FANCI: variants seen among roughly 807,000 people sequenced by gnomAD.
FANCI encodes Fanconi anemia group I protein.
Under a neutral mutation model 176.1 loss-of-function variants are expected in FANCI, and 156 were observed. The observed-to-expected ratio is 0.89, with a 90% CI of 0.78 to 1.01. FANCI has a LOEUF of 1.01. Ranked by LOEUF, FANCI falls within the 50% of genes least tolerant of loss-of-function variation. The pLI, the probability that FANCI is intolerant of heterozygous loss-of-function variation, is 0.00. For synonymous variants in FANCI, 613 were observed against 541.7 expected (o/e 1.13, Z -1.83); for missense variants, 1,678 against 1,534.1 (o/e 1.09, Z -1.57).
At chr15:89,257,769 CTAT>C (rs765521227) in intron 2 of FANCI, among the ~76,000 whole-genome samples, 112 of 152,276 alleles carry the variant, frequency 7.4e-4, no homozygotes, top group Non-Finnish European at 1.1e-3. Context: ...CATAATGCCT[CTAT>C]TACTTTGGTC....
intron 1 of FANCI, among the ~76,000 whole-genome samples, chr15:89,245,593 AAT>A (rs1041115717): frequency 2.6e-5 from 4 of 151,916 alleles, no homozygotes; most frequent in Non-Finnish European, 5.9e-5. Flanking sequence ...TGGAAGCAGG[AAT>A]ATTTATTTAA....
chr15:89,278,498 A>G (rs750813820), intron 13 of FANCI, among the ~76,000 whole-genome samples, 189 bp from the exon 14 acceptor site: 1 of 152,200 alleles, frequency 6.6e-6, no homozygotes, highest in Non-Finnish European at 1.5e-5. Flanking sequence ...TTATCCTACT[A>G]ATGAATCATC....
At chr15:89,265,633 C>T (rs1165071046) in intron 9 of FANCI, among the ~76,000 whole-genome samples, 1 of 152,020 alleles carries the variant, frequency 6.6e-6, no homozygotes, top group East Asian at 1.9e-4. Flanking sequence ...AAGAGATTCT[C>T]CTCCCTCAGC....
chr15:89,307,531 T>A lies in FANCI; in HGVS notation c.3591+2T>A, dbSNP rs1458516107. On this transcript the variant is annotated splice_donor_variant, in intron 33 of 37. Coordinates refer to ENST00000310775, the MANE Select transcript of FANCI (RefSeq NM_001113378.2). LOFTEE classifies it high-confidence loss of function. ...ATTCCAAAAAATATGGAAAAGCTGG[T>A]GAGTTGAGAATGCCTTTCCTAGGAA... is the stretch of plus-strand genomic sequence containing the variant. 1.2e-6 allele frequency: 2 copies of A among 1,614,004 alleles called. No individual in the cohort carries two copies. The highest frequency in any genetic ancestry group is 1.7e-6 in the Non-Finnish European group (2 of 1,180,022).
At chr15:89,249,961 G>C (rs2052166856) in intron 2 of FANCI, among the ~76,000 whole-genome samples, 1 of 152,086 alleles carries the variant, frequency 6.6e-6, no homozygotes, top group Non-Finnish European at 1.5e-5. Flanking sequence ...TCATATACTA[G>C]AGCACAAAGA....
At chr15:89,307,891 CAT>C (rs1227422555) in intron 34 of FANCI, 3 of 1,427,612 alleles carry the variant, frequency 2.1e-6, no homozygotes, top group Non-Finnish European at 2.7e-6. Flanking sequence ...AGAAAGGAAG[CAT>C]ATATGTTTGC....
At chr15:89,270,256 A>G (rs2053149812) in intron 10 of FANCI, among the ~76,000 whole-genome samples, 1 of 152,204 alleles carries the variant, frequency 6.6e-6, no homozygotes, top group South Asian at 2.1e-4. Context: ...TTACATCAGG[A>G]GGAACATAGT....
At chr15:89,292,062 G>A (rs2054089685) in intron 20 of FANCI, among the ~76,000 whole-genome samples, 1 of 152,202 alleles carries the variant, frequency 6.6e-6, no homozygotes, top group African/African-American at 2.4e-5. Context: ...TGCTTCATTA[G>A]TCTAGAGGAA....
chr15:89,313,279 G>C (rs530801961), intron 35 of FANCI, among the ~76,000 whole-genome samples: 2 of 152,210 alleles, frequency 1.3e-5, no homozygotes, highest in South Asian at 4.2e-4. Context: ...AGTACATTGT[G>C]AGTGAATTGT....
At chr15:89,315,427 C>T (rs1596343293) in intron 37 of FANCI, 38 bp downstream of exon 37, 1 of 1,417,342 alleles carries the variant, frequency 7.1e-7, no homozygotes, top group Non-Finnish European at 1.0e-6. Context: ...AGCCACTCTT[C>T]CTAGCTGGTT....
At chr15:89,275,083 C>CTTTTTTTTT (rs530017776) in intron 12 of FANCI, among the ~76,000 whole-genome samples, 51 of 114,944 alleles carry the variant, frequency 4.4e-4, no homozygotes, top group East Asian at 1.0e-3. Flanking sequence ...GGCCTTTCTT[C>CTTTTTTTTT]TTTTTTTTTT....
rs548947826 is a variant in FANCI, at chr15:89,261,645, A to T, written c.349A>T (p.Arg117Ter). ...AGCCAATGAGTTTATTAGTGCTGTCAGAGAAGGCAGCCTAGTGAATGGAAA... is the reference window on the plus strand; with the variant it reads ...AGCCAATGAGTTTATTAGTGCTGTCTGAGAAGGCAGCCTAGTGAATGGAAA... ...ELANEFISAV[R>*]EGSLVNGKSL... Residue 117 changes from arginine (R) to a stop codon, truncating the protein, a stop_gained, in exon 5 of 38, where the codon AGA (arginine) becomes TGA (stop). Transcript: ENST00000310775. LOFTEE classifies it high-confidence loss of function. The T allele has an allele frequency of 6.2e-7, 1 of 1,614,002 alleles. No homozygotes were observed. The highest frequency in any genetic ancestry group is 8.5e-7 in the Non-Finnish European group (1 of 1,179,968).
At chr15:89,277,090 T>C (rs568409215) in intron 13 of FANCI, among the ~76,000 whole-genome samples, 199 bp downstream of exon 13, 1 of 152,250 alleles carries the variant, frequency 6.6e-6, no homozygotes, top group Admixed American at 6.5e-5. Flanking sequence ...TTCTTCTATG[T>C]AAGTTTTTCA....
At chr15:89,250,965 A>T (rs1050206786) in intron 2 of FANCI, among the ~76,000 whole-genome samples, 1 of 151,944 alleles carries the variant, frequency 6.6e-6, no homozygotes, top group African/African-American at 2.4e-5. Context: ...ACAAGAAACT[A>T]CTAAAGATAA....
intron 17 of FANCI, among the ~76,000 whole-genome samples, chr15:89,283,560 A>C (rs1258828840): frequency 2.6e-5 from 4 of 152,202 alleles, no homozygotes; most frequent in Admixed American, 2.0e-4. Flanking sequence ...TGCAAAATTC[A>C]TACCAGATTT....
chr15:89,303,879 T>C lies in FANCI; in HGVS notation c.3022T>C (p.Ser1008Pro). ...PSSPQFVQML[S>P]WTSKICKENS... ...TCTAATTTAGTTTGTGCAGATGTTATCCTGGACATCAAAGATTTGCAAGGA... is the reference window on the plus strand; with the variant it reads ...TCTAATTTAGTTTGTGCAGATGTTACCCTGGACATCAAAGATTTGCAAGGA... The change falls in exon 28 of 38, where the codon TCC becomes CCC. Residue 1008 changes from serine to proline, a missense_variant. Ser to Pro is a moderately conservative substitution (Grantham distance 74). Around this residue, in one of 3 missense-constraint regions of FANCI, gnomAD observed 1,204 missense variants for 1,077.4 expected, o/e 1.12. Transcript: ENST00000310775. The C allele has an allele frequency of 1.2e-6, 2 of 1,614,058 alleles. No homozygotes were observed. The highest frequency in any genetic ancestry group is 1.7e-6 in the Non-Finnish European group (2 of 1,179,936).
In FANCI at chr15:89,316,906, AT is replaced by A. The variant is rs2055287007; in HGVS notation, c.*448del. 9.9e-7 allele frequency: 1 copy of A among 1,010,280 alleles called. No homozygotes were observed. The highest frequency in any genetic ancestry group is 1.6e-5 in the African/African-American group (1 of 63,332). The allele number at this position is 1,010,280 out of a possible 1,614,324, so 62.6% of individuals were successfully genotyped here. Reference sequence around the variant, plus strand: ...GCTCAGAAGTGAGCAAAGGAGCTTAATGCTAAGGTCAAAAGGAGAGTGAAAG... The same window carrying A: ...GCTCAGAAGTGAGCAAAGGAGCTTAAGCTAAGGTCAAAAGGAGAGTGAAAG... On this transcript the variant is annotated 3_prime_UTR_variant, in exon 38 of 38. Transcript: ENST00000310775.
Position 89,307,460 on chromosome 15 carries a change from A to G in FANCI, c.3538-16A>G. 2 of 1,612,350 alleles carry G rather than the reference A, an allele frequency of 1.2e-6. No homozygotes were observed. Among genetic ancestry groups the G allele is most frequent in the South Asian group, 2.2e-5 (2 of 90,824 alleles). On this transcript the variant is annotated splice_polypyrimidine_tract_variant and intron_variant, in intron 32 of 37. Transcript: ENST00000310775. Reference sequence around the variant, plus strand: ...CATAGGACAGTCTACTAAATCTAGGAATCTTTTTTTATTAGTATCTCCAGG... The same window carrying G: ...CATAGGACAGTCTACTAAATCTAGGGATCTTTTTTTATTAGTATCTCCAGG...
At chr15:89,286,798 C>A (rs1302732305) in intron 18 of FANCI, among the ~76,000 whole-genome samples, 3 of 152,104 alleles carry the variant, frequency 2.0e-5, no homozygotes, top group African/African-American at 7.2e-5. Context: ...TGAAGCCAGG[C>A]ATTGACTTCT....
Sources: allele counts gnomAD v4.1 joint callset (sites outside exome capture counted in the v4.1 genomes callset), GRCh38; gene constraint gnomAD v4.1.1; regional missense constraint gnomAD v4.1.1; transcripts MANE v1.5; gene names NCBI Gene and HGNC (gene_info 2026-07-23, HGNC 2026-07-21).